GNA12: variants seen among roughly 807,000 people sequenced by gnomAD.
GNA12 encodes the protein G protein subunit alpha 12, also known as guanine nucleotide-binding protein subunit alpha-12.
A neutral mutation model predicts 26.0 loss-of-function variants in GNA12; 9 were observed. The ratio of observed to expected loss-of-function variants is 0.35; its 90% confidence interval spans 0.21 to 0.60. The LOEUF (loss-of-function observed/expected upper bound fraction) is 0.60, where lower values mean the gene tolerates loss of function less well. Ranked by LOEUF, GNA12 falls within the 20% of genes least tolerant of loss-of-function variation. The pLI is 0.78. For missense variants in GNA12, 405 were observed against 525.8 expected, an observed-to-expected ratio of 0.77 and a Z score of 2.25; for synonymous variants, 264 against 219.6, an observed-to-expected ratio of 1.20 and a Z score of -1.79.
intron 2 of GNA12, among the ~76,000 whole-genome samples, chr7:2,776,652 C>T (rs1792085358): frequency 6.6e-6 from 1 of 152,232 alleles, no homozygotes; most frequent in African/African-American, 2.4e-5. Context: ...ATAAGGATTA[C>T]ACATTTTTCT....
At chr7:2,758,875 T>C (rs778780462) in intron 2 of GNA12, among the ~76,000 whole-genome samples, 1 of 152,188 alleles carries the variant, frequency 6.6e-6, no homozygotes, top group African/African-American at 2.4e-5. Context: ...CTGGGCGCGG[T>C]GGCTCATGCC....
intron 2 of GNA12, among the ~76,000 whole-genome samples, chr7:2,756,000 C>G (rs1791274990): frequency 1.3e-5 from 2 of 152,122 alleles, no homozygotes; most frequent in Admixed American, 1.3e-4. Context: ...CAAAACACCA[C>G]AGAATAACAA....
chr7:2,774,604 G>A (rs1792030649), intron 2 of GNA12, among the ~76,000 whole-genome samples: 1 of 152,202 alleles, frequency 6.6e-6, no homozygotes. Context: ...GGTTGCTAAT[G>A]TGTCGAATGC....
chr7:2,842,145 A>G (rs1045659398), intron 1 of GNA12, among the ~76,000 whole-genome samples: 3 of 148,368 alleles, frequency 2.0e-5, no homozygotes, highest in Admixed American at 6.6e-5. Flanking sequence ...AGGAAAGAAA[A>G]GAAGGAAAGG....
intron 2 of GNA12, among the ~76,000 whole-genome samples, chr7:2,739,928 C>G (rs1174596321): frequency 6.6e-6 from 1 of 152,178 alleles, no homozygotes; most frequent in Non-Finnish European, 1.5e-5. Context: ...CCGCCTTGGC[C>G]TCTGAAAGTG....
intron 1 of GNA12, among the ~76,000 whole-genome samples, chr7:2,811,513 A>G (rs1793081257): frequency 6.6e-6 from 1 of 152,102 alleles, no homozygotes. Flanking sequence ...ATGACCAATG[A>G]AGTAACTTTT....
chr7:2,746,746 G>C (rs1449546974), intron 2 of GNA12, among the ~76,000 whole-genome samples: 1 of 152,074 alleles, frequency 6.6e-6, no homozygotes, highest in African/African-American at 2.4e-5. Flanking sequence ...TTTTTGAAAA[G>C]ATCAACAAAA....
chr7:2,811,278 G>A (rs1436348264), intron 1 of GNA12, among the ~76,000 whole-genome samples: 3 of 152,192 alleles, frequency 2.0e-5, no homozygotes, highest in Non-Finnish European at 4.4e-5. Flanking sequence ...CACAACCAGA[G>A]CTCCCCGCTC....
intron 1 of GNA12, among the ~76,000 whole-genome samples, chr7:2,807,833 G>T (rs1792985148): frequency 6.6e-6 from 1 of 152,196 alleles, no homozygotes; most frequent in Non-Finnish European, 1.5e-5. Flanking sequence ...CACTAAACAA[G>T]ACGCTGCAGC....
At chr7:2,819,829 T>G (rs547462828) in intron 1 of GNA12, among the ~76,000 whole-genome samples, 2 of 152,196 alleles carry the variant, frequency 1.3e-5, no homozygotes, top group East Asian at 3.9e-4. Context: ...GGGTAGCTCG[T>G]CAAAATGTTA....
chr7:2,740,431 C>A (rs1012338074), intron 2 of GNA12, among the ~76,000 whole-genome samples: 4 of 152,114 alleles, frequency 2.6e-5, no homozygotes, highest in African/African-American at 9.7e-5. Context: ...AGAAGCTGGC[C>A]GTCTGCAAGC....
At chr7:2,732,428 C>A (rs1789943622) in intron 3 of GNA12, among the ~76,000 whole-genome samples, 2 of 152,134 alleles carry the variant, frequency 1.3e-5, no homozygotes, top group Non-Finnish European at 2.9e-5. Context: ...ATGCTATAGT[C>A]CCAGCTACTT....
At chr7:2,804,377 G>A (rs1300473877) in intron 1 of GNA12, among the ~76,000 whole-genome samples, 1 of 152,110 alleles carries the variant, frequency 6.6e-6, no homozygotes. Flanking sequence ...GTGTGTATGC[G>A]TAAACCCATA....
chr7:2,756,836 G>T (rs904389558), intron 2 of GNA12, among the ~76,000 whole-genome samples: 2 of 152,214 alleles, frequency 1.3e-5, no homozygotes, highest in African/African-American at 4.8e-5. Flanking sequence ...GGTGGCTCAT[G>T]CCAAGGTGGG....
rs543331692 is a variant in GNA12, at chr7:2,790,974, T to TAA, written c.525+3952_525+3953dup. ...GGAAGGCAGAGCAAGATTGTCCCTT[T>TAA]AAAAAAAAAAAAAAAAGGTAAAGAA... is the stretch of plus-strand genomic sequence containing the variant. On this transcript the variant is annotated intron_variant, in intron 2 of 3. Coordinates refer to ENST00000275364, the MANE Select transcript of GNA12 (RefSeq NM_007353.3). Among the ~76,000 whole-genome samples, 912 of 130,992 alleles carry TAA rather than the reference T, an allele frequency of 7.0e-3. 5 individuals are homozygous for TAA. Among genetic ancestry groups the TAA allele is most frequent in the Non-Finnish European group, 0.01 (640 of 61,580 alleles). The allele number at this position is 130,992 out of a possible 152,430, so 85.9% of individuals were successfully genotyped here.
At chr7:2,798,275 T>C (rs1455084796) in intron 1 of GNA12, among the ~76,000 whole-genome samples, 2 of 152,196 alleles carry the variant, frequency 1.3e-5, no homozygotes, top group Non-Finnish European at 2.9e-5. Context: ...TGATCTATGT[T>C]GAAAATCCCA....
At chr7:2,834,716 T>C (rs954942494) in intron 1 of GNA12, among the ~76,000 whole-genome samples, 1 of 152,202 alleles carries the variant, frequency 6.6e-6, no homozygotes, top group African/African-American at 2.4e-5. Context: ...CACCAGATTT[T>C]TACAGCACGT....
intron 1 of GNA12, among the ~76,000 whole-genome samples, chr7:2,800,888 C>A (rs1792793749): frequency 6.6e-6 from 1 of 152,200 alleles, no homozygotes; most frequent in Admixed American, 6.5e-5. Context: ...TTTGACTACA[C>A]CACACCAAAC....
At chr7:2,762,558 C>A in intron 2 of GNA12, 1 of 1,401,802 alleles carries the variant, frequency 7.1e-7, no homozygotes, top group South Asian at 1.5e-5. Flanking sequence ...GGAGTTAGAT[C>A]CAATGACATT....
Sources: allele counts gnomAD v4.1 joint callset (sites outside exome capture counted in the v4.1 genomes callset), GRCh38; gene constraint gnomAD v4.1.1; transcripts MANE v1.5; gene names NCBI Gene and HGNC (gene_info 2026-07-23, HGNC 2026-07-21).